Variants in DOCK3 observed in about 807,000 individuals in gnomAD.
The protein encoded by DOCK3 is dedicator of cytokinesis 3.
A neutral mutation model predicts 265.6 loss-of-function variants in DOCK3; 60 were observed. The observed-to-expected ratio is 0.23, with a 90% CI of 0.18 to 0.28. The LOEUF is 0.28. Among genes scored for constraint, DOCK3 ranks in the 10% least tolerant of loss-of-function variants. DOCK3 has a pLI of 1.00. For synonymous variants in DOCK3, 881 were observed against 938.0 expected, an observed-to-expected ratio of 0.94 and a Z score of 1.11; for missense variants, 1,981 against 2,594.3, an observed-to-expected ratio of 0.76 and a Z score of 5.14.
intron 27 of DOCK3, among the ~76,000 whole-genome samples, chr3:51,295,762 C>T (rs1244243421): frequency 6.7e-6 from 1 of 149,816 alleles, no homozygotes; most frequent in Non-Finnish European, 1.5e-5. Context: ...GAGAGTCTAG[C>T]TGGGGCAATA....
At chr3:51,003,504 C>T (rs1295185550) in intron 5 of DOCK3, among the ~76,000 whole-genome samples, 3 of 152,204 alleles carry the variant, frequency 2.0e-5, no homozygotes, top group East Asian at 1.9e-4. Context: ...CATACATTTA[C>T]GCTAATGATT....
intron 3 of DOCK3, among the ~76,000 whole-genome samples, chr3:50,850,473 TA>T (rs1303560289): frequency 6.6e-6 from 1 of 152,218 alleles, no homozygotes; most frequent in Non-Finnish European, 1.5e-5. Flanking sequence ...AGGAATTCTT[TA>T]TCTGTCATTT....
intron 29 of DOCK3, 75 bp from the exon 30 acceptor site, chr3:51,312,401 T>G: frequency 8.2e-7 from 1 of 1,218,426 alleles, no homozygotes; most frequent in Non-Finnish European, 1.2e-6. Context: ...CTATGCTACA[T>G]GCATGTATTT....
intron 5 of DOCK3, among the ~76,000 whole-genome samples, chr3:50,948,048 T>C (rs1230404355): frequency 3.5e-5 from 5 of 144,488 alleles, no homozygotes; most frequent in African/African-American, 1.0e-4. Flanking sequence ...TTATTATTAT[T>C]ATTATTATTA....
At chr3:51,249,756 C>CT (rs2079094089) in intron 22 of DOCK3, among the ~76,000 whole-genome samples, 1 of 141,596 alleles carries the variant, frequency 7.1e-6, no homozygotes, top group Non-Finnish European at 1.5e-5. Flanking sequence ...GCCCGGCCAC[C>CT]ACCCCGTCTG....
In DOCK3 at chr3:50,690,629, A is replaced by G. The variant is rs1033737520; in HGVS notation, c.37+15329A>G. On this transcript the variant is annotated intron_variant, in intron 1 of 52. Coordinates refer to ENST00000266037, the MANE Select transcript of DOCK3 (RefSeq NM_004947.5). ...CATTCATTCATTCGTTCGTTCGTTCATTCATTCATTCATTCATTCATTCAT... is the reference window on the plus strand; with the variant it reads ...CATTCATTCATTCGTTCGTTCGTTCGTTCATTCATTCATTCATTCATTCAT... 4.7e-5 allele frequency among the ~76,000 whole-genome samples: 7 copies of G among 150,490 alleles called. No individual in the cohort carries two copies. In the South Asian group the frequency reaches 6.6e-4, roughly 14 times the overall value.
intron 7 of DOCK3, among the ~76,000 whole-genome samples, chr3:51,087,991 A>G (rs369167206): frequency 1.1e-4 from 17 of 152,224 alleles, no homozygotes; most frequent in African/African-American, 3.1e-4. Context: ...AAGATATAGA[A>G]TTAATCTAAG....
intron 51 of DOCK3, among the ~76,000 whole-genome samples, chr3:51,377,766 A>G (rs2088256227): frequency 6.6e-6 from 1 of 152,214 alleles, no homozygotes; most frequent in Non-Finnish European, 1.5e-5. Context: ...AAAGCCCTGT[A>G]AGCCTTCTTC....
At chr3:50,796,306 C>T (rs1206748700) in intron 2 of DOCK3, among the ~76,000 whole-genome samples, 2 of 151,882 alleles carry the variant, frequency 1.3e-5, no homozygotes, top group African/African-American at 2.4e-5. Flanking sequence ...GCTGGGATTA[C>T]AGGCGTGAGC....
chr3:50,756,256 A>G (rs775258045), intron 1 of DOCK3, among the ~76,000 whole-genome samples: 2 of 152,088 alleles, frequency 1.3e-5, no homozygotes, highest in African/African-American at 4.8e-5. Flanking sequence ...ATGGTCATAT[A>G]CTGGTTAAAC....
intron 23 of DOCK3, among the ~76,000 whole-genome samples, chr3:51,269,628 C>G (rs2080390583): frequency 6.6e-6 from 1 of 152,148 alleles, no homozygotes; most frequent in South Asian, 2.1e-4. Context: ...GCCTTCCCTC[C>G]CCAGCCTGCC....
At chr3:50,753,903 G>A (rs1311907483) in intron 1 of DOCK3, among the ~76,000 whole-genome samples, 1 of 151,916 alleles carries the variant, frequency 6.6e-6, no homozygotes, top group African/African-American at 2.4e-5. Flanking sequence ...AATGCTGCAG[G>A]CCAGCACTTT....
intron 22 of DOCK3, among the ~76,000 whole-genome samples, chr3:51,251,775 G>A (rs2079256295): frequency 6.6e-6 from 1 of 152,172 alleles, no homozygotes; most frequent in Non-Finnish European, 1.5e-5. Flanking sequence ...TTTGTCAGAT[G>A]GATAGATGGC....
chr3:51,013,166 G>T (rs904512747), intron 5 of DOCK3, among the ~76,000 whole-genome samples: 1 of 152,130 alleles, frequency 6.6e-6, no homozygotes, highest in Non-Finnish European at 1.5e-5. Context: ...TGTCAAAGTT[G>T]TTCTCCGTCC....
At chr3:51,297,117 C>CAAAAAAAAAAA (rs71633066) in intron 27 of DOCK3, among the ~76,000 whole-genome samples, 1 of 65,906 alleles carries the variant, frequency 1.5e-5, no homozygotes, top group African/African-American at 6.9e-5. Context: ...GACTCTGTCT[C>CAAAAAAAAAAA]AAAAAAAAAA....
At chr3:51,103,794 T>G (rs2083172535) in intron 9 of DOCK3, among the ~76,000 whole-genome samples, 1 of 152,138 alleles carries the variant, frequency 6.6e-6, no homozygotes, top group African/African-American at 2.4e-5. Flanking sequence ...GCTATGTTTG[T>G]GCTCAAGGAG....
At chr3:50,741,995 T>C (rs1403958698) in intron 1 of DOCK3, among the ~76,000 whole-genome samples, 1 of 152,180 alleles carries the variant, frequency 6.6e-6, no homozygotes, top group Non-Finnish European at 1.5e-5. Flanking sequence ...TATCTCATTG[T>C]GGTTTTGATT....
intron 12 of DOCK3, among the ~76,000 whole-genome samples, chr3:51,191,554 T>G (rs570952519): frequency 6.6e-6 from 1 of 152,028 alleles, no homozygotes; most frequent in African/African-American, 2.4e-5. Context: ...GTGGTGTATA[T>G]CCTAGAGGCA....
chr3:51,089,139 C>T (rs1262071033), intron 7 of DOCK3, 104 bp from the exon 8 acceptor site: 4 of 1,140,734 alleles, frequency 3.5e-6, no homozygotes, highest in Non-Finnish European at 5.1e-6. Context: ...TAAATGAGAT[C>T]ATGAATATAA....
Sources: allele counts gnomAD v4.1 joint callset (sites outside exome capture counted in the v4.1 genomes callset), GRCh38; gene constraint gnomAD v4.1.1; transcripts MANE v1.5; gene names NCBI Gene and HGNC (gene_info 2026-07-23, HGNC 2026-07-21).